The following CPAP variants were observed in gnomAD, a reference collection of about 807,000 sequenced individuals.
The protein encoded by CPAP is centrosomal P4.1-associated protein.
chr13:24,930,599 A>G, the CPAP span, among the ~76,000 whole-genome samples: 1 of 152,206 alleles, frequency 6.6e-6, no homozygotes, highest in Non-Finnish European at 1.5e-5. Flanking sequence ...TTCGCTTAGA[A>G]CAATGGCCTC....
At chr13:24,885,627 TA>T in the CPAP span, 1 of 1,612,344 alleles carries the variant, frequency 6.2e-7, no homozygotes, top group Non-Finnish European at 8.5e-7. Context: ...CCAAATTGCC[TA>T]AATCACGAGG....
At chr13:24,920,747 A>G in the CPAP span, among the ~76,000 whole-genome samples, 1 of 150,720 alleles carries the variant, frequency 6.6e-6, no homozygotes, top group East Asian at 1.9e-4. Flanking sequence ...CAGCCTCCAG[A>G]GTAGCTGGGA....
chr13:24,932,740 G>A, the CPAP span, among the ~76,000 whole-genome samples: 26 of 152,088 alleles, frequency 1.7e-4, no homozygotes, highest in Admixed American at 6.5e-5. Context: ...AATCTGTCAT[G>A]TTTTTATTAA....
At chr13:24,932,868 A>G in the CPAP span, 3 of 612,046 alleles carry the variant, frequency 4.9e-6, no homozygotes, top group Non-Finnish European at 8.7e-6. Context: ...AATTTTTACA[A>G]TGTGTTCAAT....
the CPAP span, among the ~76,000 whole-genome samples, chr13:24,914,227 G>A: frequency 6.6e-6 from 1 of 152,104 alleles, no homozygotes; most frequent in Non-Finnish European, 1.5e-5. Flanking sequence ...GCTATCAGGG[G>A]CAGGGTAAGT....
At chr13:24,925,151 A>AT in the CPAP span, among the ~76,000 whole-genome samples, 6,067 of 152,116 alleles carry the variant, frequency 0.04, 174 homozygotes, top group Middle Eastern at 0.13. Context: ...TTCATTATTT[A>AT]TTTTTTTGGA....
At chr13:24,906,184 G>A in the CPAP span, 2 of 1,613,802 alleles carry the variant, frequency 1.2e-6, no homozygotes, top group East Asian at 2.2e-5. Context: ...GCACAGCTTT[G>A]ACAGGGGTGG....
the CPAP span, among the ~76,000 whole-genome samples, chr13:24,929,019 C>T: frequency 2.0e-5 from 2 of 100,616 alleles, no homozygotes; most frequent in African/African-American, 8.2e-5. Flanking sequence ...TTAAAAATAA[C>T]AACAATTACA....
At chr13:24,886,230 T>A in the CPAP span, 1 of 1,017,648 alleles carries the variant, frequency 9.8e-7, no homozygotes, top group Non-Finnish European at 1.3e-6. Context: ...TTGTAAACAC[T>A]CAACTTGGAA....
chr13:24,884,424 A>G, the CPAP span: 1 of 1,614,090 alleles, frequency 6.2e-7, no homozygotes, highest in Non-Finnish European at 8.5e-7. Flanking sequence ...CCATTGGGAA[A>G]CAGTATAACA....
chr13:24,912,851 T>C, the CPAP span: 387 of 1,614,238 alleles, frequency 2.4e-4, 1 homozygote, highest in African/African-American at 4.7e-3. Context: ...GAAAAATGTG[T>C]GCCTTTAATA....
At chr13:24,883,168 T>G in the CPAP span, 2 of 1,611,702 alleles carry the variant, frequency 1.2e-6, no homozygotes, top group African/African-American at 2.7e-5. Flanking sequence ...CATGATCACA[T>G]GAGGATCGTC....
At chr13:24,899,298 T>C in the CPAP span, 3 of 735,210 alleles carry the variant, frequency 4.1e-6, no homozygotes, top group East Asian at 7.6e-5. Flanking sequence ...GATTATTTGC[T>C]GAATGAATGA....
the CPAP span, among the ~76,000 whole-genome samples, chr13:24,910,468 G>C: frequency 1.1e-4 from 16 of 152,322 alleles, no homozygotes; most frequent in Admixed American, 9.2e-4. Context: ...CAGGTGATCT[G>C]CCGGCCTTGG....
At chr13:24,892,608 C>T in the CPAP span, 1 of 1,532,132 alleles carries the variant, frequency 6.5e-7, no homozygotes, top group Non-Finnish European at 9.0e-7. Flanking sequence ...GAAGCTCCCC[C>T]TGGCCTGACA....
the CPAP span, among the ~76,000 whole-genome samples, chr13:24,907,511 AT>A: frequency 3.3e-5 from 5 of 152,294 alleles, no homozygotes; most frequent in East Asian, 1.9e-4. Flanking sequence ...CTAAATATGC[AT>A]TTTTTTAATT....
At chr13:24,926,699 TAC>T in the CPAP span, among the ~76,000 whole-genome samples, 7 of 152,116 alleles carry the variant, frequency 4.6e-5, no homozygotes, top group Non-Finnish European at 8.8e-5. Flanking sequence ...AGGGATACAC[TAC>T]AGTTACGGGA....
the CPAP span, among the ~76,000 whole-genome samples, chr13:24,911,680 G>T: frequency 6.0e-5 from 9 of 150,706 alleles, no homozygotes; most frequent in Admixed American, 6.0e-4. Flanking sequence ...AGGACTGCAG[G>T]CATGGACCAC....
the CPAP span, chr13:24,903,800 G>A: frequency 9.1e-7 from 1 of 1,104,712 alleles, no homozygotes; most frequent in Admixed American, 1.7e-5. Flanking sequence ...ATATGATACA[G>A]ATTTCACCTC....
Sources: allele counts gnomAD v4.1 joint callset (sites outside exome capture counted in the v4.1 genomes callset), GRCh38; gene constraint gnomAD v4.1.1; transcripts MANE v1.5; gene names NCBI Gene and HGNC (gene_info 2026-07-23, HGNC 2026-07-21).